The following NLGN1 variants were observed in gnomAD, a reference collection of about 807,000 sequenced individuals.
NLGN1 encodes the protein neuroligin-1.
Under a neutral mutation model 65.5 loss-of-function variants are expected in NLGN1, and 12 were observed. The observed-to-expected ratio is 0.18, with a 90% CI of 0.12 to 0.30. NLGN1 has a LOEUF of 0.30. Ranked by LOEUF, NLGN1 falls within the 10% of genes least tolerant of loss-of-function variation. The probability of loss-of-function intolerance (pLI) is 1.00; values close to 1 mark genes in which losing one functional copy is unlikely to be tolerated. For synonymous variants in NLGN1, 350 were observed against 359.5 expected, an observed-to-expected ratio of 0.97 and a Z score of 0.30; for missense variants, 750 against 1,007.1, an observed-to-expected ratio of 0.74 and a Z score of 3.46.
chr3:173,955,622 C>A (rs1443212903), intron 4 of NLGN1, among the ~76,000 whole-genome samples: 4 of 152,112 alleles, frequency 2.6e-5, no homozygotes, highest in Non-Finnish European at 4.4e-5. Flanking sequence ...TGGGCATAAT[C>A]AGTTTTGACT....
intron 2 of NLGN1, among the ~76,000 whole-genome samples, chr3:173,492,416 A>T (rs1729331221): frequency 6.6e-6 from 1 of 151,850 alleles, no homozygotes; most frequent in Non-Finnish European, 1.5e-5. Flanking sequence ...ATTAATTGGT[A>T]CATGCACAAT....
At chr3:174,151,777 G>C (rs749357707) in intron 4 of NLGN1, among the ~76,000 whole-genome samples, 1 of 152,096 alleles carries the variant, frequency 6.6e-6, no homozygotes, top group Non-Finnish European at 1.5e-5. Context: ...TGAATCACTT[G>C]AGTATTAAAT....
intron 4 of NLGN1, among the ~76,000 whole-genome samples, chr3:174,006,553 A>G (rs1175228513): frequency 6.6e-6 from 1 of 152,070 alleles, no homozygotes; most frequent in African/African-American, 2.4e-5. Flanking sequence ...TCCCTCTCCT[A>G]CTTACAATTT....
chr3:173,735,417 T>A (rs554139439), intron 3 of NLGN1, among the ~76,000 whole-genome samples: 9 of 152,272 alleles, frequency 5.9e-5, no homozygotes, highest in African/African-American at 1.9e-4. Flanking sequence ...AAAATACTAA[T>A]GAAGCAATTC....
intron 4 of NLGN1, among the ~76,000 whole-genome samples, chr3:173,961,773 C>T (rs1026835586): frequency 1.3e-5 from 2 of 151,752 alleles, no homozygotes; most frequent in Admixed American, 1.3e-4. Context: ...CTCTTTTTTT[C>T]TTATTATAAT....
chr3:173,541,295 G>A (rs1420638222), intron 2 of NLGN1, among the ~76,000 whole-genome samples: 2 of 152,082 alleles, frequency 1.3e-5, no homozygotes, highest in African/African-American at 4.8e-5. Context: ...GTATGACTCA[G>A]GGTTGCAACA....
intron 4 of NLGN1, among the ~76,000 whole-genome samples, chr3:174,027,138 A>G (rs544547160): frequency 1.3e-5 from 2 of 152,180 alleles, no homozygotes; most frequent in South Asian, 4.1e-4. Flanking sequence ...CCAAGCCTTT[A>G]AAGCAATATA....
intron 3 of NLGN1, among the ~76,000 whole-genome samples, chr3:173,737,305 A>G (rs1042258340): frequency 6.6e-6 from 1 of 152,028 alleles, no homozygotes; most frequent in Admixed American, 6.6e-5. Flanking sequence ...TGTATGATTC[A>G]GTGGTTTTAA....
the NLGN1 span, among the ~76,000 whole-genome samples, chr3:174,293,451 G>A: frequency 6.6e-6 from 1 of 151,434 alleles, no homozygotes; most frequent in Non-Finnish European, 1.5e-5. Context: ...CAACTGCCCA[G>A]TGTAATGGAT....
intron 2 of NLGN1, among the ~76,000 whole-genome samples, chr3:173,570,706 G>A (rs1340622376): frequency 6.6e-6 from 1 of 152,058 alleles, no homozygotes; most frequent in African/African-American, 2.4e-5. Flanking sequence ...ACAAATTAAA[G>A]TGAATTTATT....
chr3:173,400,250 ATAT>A (rs1036765731), intron 1 of NLGN1, among the ~76,000 whole-genome samples: 7 of 152,032 alleles, frequency 4.6e-5, no homozygotes, highest in South Asian at 2.1e-4. Context: ...TCTAGACTTA[ATAT>A]TATTATTATT....
At chr3:173,860,232 C>T (rs1263623859) in intron 4 of NLGN1, among the ~76,000 whole-genome samples, 2 of 151,780 alleles carry the variant, frequency 1.3e-5, no homozygotes, top group African/African-American at 4.8e-5. Flanking sequence ...TTACATGTGT[C>T]CCAAATATTT....
intron 3 of NLGN1, among the ~76,000 whole-genome samples, chr3:173,709,985 G>A (rs966876289): frequency 7.9e-5 from 12 of 151,894 alleles, no homozygotes; most frequent in Non-Finnish European, 1.5e-4. Context: ...AAATACTAAT[G>A]CAATACCCAT....
rs1747812184 is a variant in NLGN1, at chr3:173,949,575, A to T, written c.646+141743A>T. ...CCTTGTCTTTACTACTTTCAGACTG[A>T]ATGTGATGAATTGTTAAATAATCTT... On this transcript the variant is annotated intron_variant, in intron 4 of 6. Transcript: ENST00000457714. Among the ~76,000 whole-genome samples, 4 of 152,162 alleles carry T rather than the reference A, an allele frequency of 2.6e-5. No homozygotes were observed. In the South Asian group the frequency reaches 8.3e-4, roughly 32 times the overall value.
intron 4 of NLGN1, among the ~76,000 whole-genome samples, chr3:174,033,144 C>T (rs569569212): frequency 7.9e-5 from 12 of 152,094 alleles, no homozygotes; most frequent in East Asian, 1.9e-4. Flanking sequence ...TGTACCACCG[C>T]GCCACGGGGC....
intron 3 of NLGN1, among the ~76,000 whole-genome samples, chr3:173,780,035 A>G (rs1186053908): frequency 6.6e-6 from 1 of 152,198 alleles, no homozygotes; most frequent in African/African-American, 2.4e-5. Flanking sequence ...AAATACATGA[A>G]TAAAATTTCC....
chr3:173,810,281 G>A (rs1028001425), intron 4 of NLGN1, among the ~76,000 whole-genome samples: 1 of 152,198 alleles, frequency 6.6e-6, no homozygotes, highest in Non-Finnish European at 1.5e-5. Context: ...AATAAAGACT[G>A]TAGACTTTTG....
intron 3 of NLGN1, among the ~76,000 whole-genome samples, chr3:173,805,575 T>G (rs1560408312): frequency 6.6e-6 from 1 of 152,180 alleles, no homozygotes; most frequent in Non-Finnish European, 1.5e-5. Flanking sequence ...CCTGTATTGT[T>G]GTATTGTTTT....
chr3:173,402,633 A>G (rs997755524), intron 1 of NLGN1, among the ~76,000 whole-genome samples: 1 of 152,130 alleles, frequency 6.6e-6, no homozygotes, highest in African/African-American at 2.4e-5. Flanking sequence ...TGGAAACAAG[A>G]TAAACAATAT....
Sources: allele counts gnomAD v4.1 joint callset (sites outside exome capture counted in the v4.1 genomes callset), GRCh38; gene constraint gnomAD v4.1.1; transcripts MANE v1.5; gene names NCBI Gene and HGNC (gene_info 2026-07-23, HGNC 2026-07-21).